GRK5: variants seen among roughly 807,000 people sequenced by gnomAD.
GRK5 encodes the protein G protein-coupled receptor kinase 5, also known as g protein-coupled receptor kinase GRK5.
A neutral mutation model predicts 78.4 loss-of-function variants in GRK5; 40 were observed. That is an observed-to-expected ratio of 0.51 (90% CI 0.40 to 0.66). GRK5 has a LOEUF of 0.66. Among genes scored for constraint, GRK5 ranks in the 30% least tolerant of loss-of-function variants. GRK5 has a pLI of 0.00. For missense variants in GRK5, 598 were observed against 759.9 expected, an observed-to-expected ratio of 0.79 and a Z score of 2.50; for synonymous variants, 289 against 296.8, an observed-to-expected ratio of 0.97 and a Z score of 0.27.
At chr10:119,442,122 GAGA>G in intron 11 of GRK5, 34 bp downstream of exon 11, 1 of 1,566,342 alleles carries the variant, frequency 6.4e-7, no homozygotes, top group South Asian at 1.1e-5. Context: ...AATGCACCTT[GAGA>G]CCCACCACCT....
At chr10:119,318,893 A>C (rs1589741961) in intron 1 of GRK5, among the ~76,000 whole-genome samples, 1 of 152,056 alleles carries the variant, frequency 6.6e-6, no homozygotes, top group East Asian at 1.9e-4. Flanking sequence ...CTCTTCTCCC[A>C]TGGCAGTTTT....
In GRK5 at chr10:119,329,827, T is replaced by C. The variant is rs530744253; in HGVS notation, c.148+3216T>C. Among the ~76,000 whole-genome samples, 3 of 151,644 alleles carry C rather than the reference T, an allele frequency of 2.0e-5. No homozygotes were observed. In the South Asian group the frequency reaches 6.3e-4, roughly 32 times the overall value. ...CTGTAGAACTGTCCCGTTTCTGCTA[T>C]GGTTCACACGCCAGCAACGCAGACA... On this transcript the variant is annotated intron_variant, in intron 2 of 15. Transcript: ENST00000392870.
chr10:119,360,779 G>T (rs1851350670), intron 2 of GRK5, among the ~76,000 whole-genome samples: 1 of 152,158 alleles, frequency 6.6e-6, no homozygotes. Context: ...CACCCGGCCC[G>T]GGGCCCTTTG....
intron 3 of GRK5, among the ~76,000 whole-genome samples, chr10:119,395,977 A>T (rs1339508523): frequency 6.6e-6 from 1 of 152,236 alleles, no homozygotes; most frequent in Non-Finnish European, 1.5e-5. Flanking sequence ...TTCAGATAAG[A>T]ACATCTTAAA....
intron 1 of GRK5, among the ~76,000 whole-genome samples, chr10:119,218,321 G>A (rs779119822): frequency 6.6e-6 from 1 of 152,170 alleles, no homozygotes; most frequent in Non-Finnish European, 1.5e-5. Flanking sequence ...AGGAAGGGAA[G>A]GGGAGGGGGT....
intron 1 of GRK5, among the ~76,000 whole-genome samples, chr10:119,292,644 G>A (rs1474850556): frequency 6.6e-6 from 1 of 152,130 alleles, no homozygotes; most frequent in Non-Finnish European, 1.5e-5. Context: ...TTGGTTCCAG[G>A]ACCTCCTGAG....
intron 9 of GRK5, among the ~76,000 whole-genome samples, chr10:119,438,013 G>C (rs773772708): frequency 6.6e-6 from 1 of 152,202 alleles, no homozygotes; most frequent in Non-Finnish European, 1.5e-5. Flanking sequence ...CTAAAGAATC[G>C]CTTTAACCTG....
chr10:119,358,736 C>A (rs1396480589), intron 2 of GRK5, among the ~76,000 whole-genome samples: 1 of 152,200 alleles, frequency 6.6e-6, no homozygotes, highest in Non-Finnish European at 1.5e-5. Context: ...TATTAGTCTG[C>A]TCAGGCTGCT....
intron 1 of GRK5, among the ~76,000 whole-genome samples, chr10:119,312,284 G>T (rs191812058): frequency 2.8e-4 from 43 of 152,194 alleles, no homozygotes; most frequent in Non-Finnish European, 4.6e-4. Context: ...TTTTTTAATG[G>T]CGATCAGGGT....
At chr10:119,342,675 C>T (rs1172375281) in intron 2 of GRK5, among the ~76,000 whole-genome samples, 3 of 152,136 alleles carry the variant, frequency 2.0e-5, no homozygotes, top group Non-Finnish European at 4.4e-5. Context: ...TTTATCTGTT[C>T]GTTCATTCAT....
chr10:119,359,987 C>G (rs111691703), intron 2 of GRK5, among the ~76,000 whole-genome samples: 4 of 143,192 alleles, frequency 2.8e-5, no homozygotes, highest in African/African-American at 1.0e-4. Context: ...GCTGAGGAGG[C>G]GGAGGGAGGC....
chr10:119,326,247 G>A (rs1850675170), intron 1 of GRK5, among the ~76,000 whole-genome samples: 2 of 152,244 alleles, frequency 1.3e-5, no homozygotes, highest in Non-Finnish European at 2.9e-5. Flanking sequence ...CGTGGGGGAT[G>A]CCTGGTGTGG....
chr10:119,380,043 A>G (rs1353498705), intron 2 of GRK5, among the ~76,000 whole-genome samples: 1 of 152,150 alleles, frequency 6.6e-6, no homozygotes, highest in African/African-American at 2.4e-5. Context: ...GGGTTTTCAT[A>G]ATTTGAAGCA....
Position 119,318,135 on chromosome 10 carries a change from G to A in GRK5, c.53-8381G>A, listed in dbSNP as rs181781310. ...TGGAACCTTCCTCAGTTTCCCCCGT[G>A]GAACCTTTCTCTGATCGATTGCACA... On this transcript the variant is annotated intron_variant, in intron 1 of 15. Transcript: ENST00000392870. Among the ~76,000 whole-genome samples, 100 of 152,072 alleles carry A rather than the reference G, an allele frequency of 6.6e-4. 1 individual carries two copies. Among genetic ancestry groups the A allele is most frequent in the Middle Eastern group, 3.4e-3 (1 of 294 alleles).
chr10:119,375,185 C>G (rs1851603601), intron 2 of GRK5, among the ~76,000 whole-genome samples: 1 of 152,124 alleles, frequency 6.6e-6, no homozygotes, highest in Non-Finnish European at 1.5e-5. Context: ...CAGACCTAGC[C>G]CAGAATTCTT....
Position 119,379,637 on chromosome 10 carries a change from C to T in GRK5, c.149-1178C>T, listed in dbSNP as rs567497540. On this transcript the variant is annotated intron_variant, in intron 2 of 15. Coordinates refer to ENST00000392870, the MANE Select transcript of GRK5 (RefSeq NM_005308.3). The surrounding 1 kb of genome is among the most constrained non-coding windows in gnomAD (Gnocchi z 4.1). ...CTTCCCTGTTTCCCACGAACTCATC[C>T]GACTGTGTCCCGTGCAGCTGCAACA... is the stretch of plus-strand genomic sequence containing the variant. Among the ~76,000 whole-genome samples the T allele has an allele frequency of 4.6e-5, 7 of 152,248 alleles. No homozygotes were observed. In the East Asian group the frequency reaches 1.2e-3, roughly 25 times the overall value.
At chr10:119,414,376 C>T (rs1459585610) in intron 4 of GRK5, among the ~76,000 whole-genome samples, 1 of 151,830 alleles carries the variant, frequency 6.6e-6, no homozygotes, top group Non-Finnish European at 1.5e-5. Context: ...TGGACGTTAG[C>T]GTGTGTGTGT....
chr10:119,391,648 G>T (rs1025903115), intron 3 of GRK5, among the ~76,000 whole-genome samples: 1 of 152,138 alleles, frequency 6.6e-6, no homozygotes, highest in Non-Finnish European at 1.5e-5. Context: ...AGGCGGGGAC[G>T]GAGCCAGCAG....
intron 2 of GRK5, among the ~76,000 whole-genome samples, chr10:119,327,315 C>T (rs1478900075): frequency 1.3e-5 from 2 of 152,176 alleles, no homozygotes; most frequent in Non-Finnish European, 2.9e-5. Context: ...TGGGCGAGAG[C>T]GCCCAGGGGA....
Sources: allele counts gnomAD v4.1 joint callset (sites outside exome capture counted in the v4.1 genomes callset), GRCh38; gene constraint gnomAD v4.1.1; non-coding constraint Gnocchi (gnomAD v3.1); transcripts MANE v1.5; gene names NCBI Gene and HGNC (gene_info 2026-07-23, HGNC 2026-07-21).